Variants in SERPINE2 observed in about 807,000 individuals in gnomAD.
SERPINE2 encodes the protein serpin family E member 2, also known as glia-derived nexin.
A neutral mutation model predicts 36.3 loss-of-function variants in SERPINE2; 14 were observed. The observed-to-expected ratio is 0.39, with a 90% confidence interval of 0.25 to 0.60. The LOEUF is 0.60. Ranked by LOEUF, SERPINE2 falls within the 20% of genes least tolerant of loss-of-function variation. The pLI is 0.57. For synonymous variants in SERPINE2, 192 were observed against 191.8 expected, an observed-to-expected ratio of 1.00 and a Z score of -0.01; for missense variants, 418 against 499.6, an observed-to-expected ratio of 0.84 and a Z score of 1.56.
At chr2:223,983,691 TATGC>T (rs1326673213) in intron 5 of SERPINE2, among the ~76,000 whole-genome samples, 6 of 51,486 alleles carry the variant, frequency 1.2e-4, no homozygotes, top group East Asian at 1.1e-3. Flanking sequence ...TATGGAGATA[TATGC>T]ACACACACAC....
chr2:223,995,424 C>T (rs1312976068), intron 3 of SERPINE2, among the ~76,000 whole-genome samples: 2 of 152,168 alleles, frequency 1.3e-5, no homozygotes, highest in Admixed American at 6.5e-5. Context: ...ATTGAGTGGG[C>T]AGTGGCCAGA....
At chr2:223,999,609 A>G (rs572092016) in intron 2 of SERPINE2, among the ~76,000 whole-genome samples, 2 of 152,324 alleles carry the variant, frequency 1.3e-5, no homozygotes, top group South Asian at 4.1e-4. Context: ...CCATTCTACA[A>G]GTAAGAAAAC....
At chr2:224,038,484 T>A in intron 1 of SERPINE2, 1 of 1,551,298 alleles carries the variant, frequency 6.4e-7, no homozygotes, top group South Asian at 1.2e-5. Context: ...CGTACTTTCA[T>A]TTTACCTGCA....
intron 5 of SERPINE2, among the ~76,000 whole-genome samples, chr2:223,984,096 A>G (rs1332603798): frequency 6.6e-6 from 1 of 152,002 alleles, no homozygotes; most frequent in Non-Finnish European, 1.5e-5. Context: ...GGGTTGTTAA[A>G]AGCTCTGGAT....
chr2:223,988,327 C>A (rs1690519974), intron 4 of SERPINE2, among the ~76,000 whole-genome samples: 1 of 152,094 alleles, frequency 6.6e-6, no homozygotes, highest in African/African-American at 2.4e-5. Flanking sequence ...CACCACCATG[C>A]CTGGCTAATT....
At chr2:224,025,681 C>CTAAGCACCTCCTTACCTTCCAAGTTGG (rs1692159148) in intron 1 of SERPINE2, among the ~76,000 whole-genome samples, 2 of 152,232 alleles carry the variant, frequency 1.3e-5, no homozygotes, top group Non-Finnish European at 2.9e-5. Flanking sequence ...AACCATTCTT[C>CTAAGCACCTCCTTACCTTCCAAGTTGG]TAAGCACAGC....
chr2:224,015,544 A>C (rs1053965877), intron 1 of SERPINE2, among the ~76,000 whole-genome samples: 2 of 152,252 alleles, frequency 1.3e-5, no homozygotes, highest in Non-Finnish European at 2.9e-5. Context: ...ATCACCTTAC[A>C]GCCTTTGCAA....
chr2:223,995,683 C>T lies in SERPINE2; in HGVS notation c.487+2432G>A, dbSNP rs374632890. ...GAATTTGCCAGGAATGTGAGTCCCA[C>T]GCAAATCAAGCAGAGCCTGTGCTTT... is the stretch of plus-strand genomic sequence containing the variant. On this transcript the variant is annotated intron_variant, in intron 3 of 8. Coordinates refer to ENST00000409304, the MANE Select transcript of SERPINE2 (RefSeq NM_001136528.2). Among the ~76,000 whole-genome samples, 7 of 152,302 alleles carry T rather than the reference C, an allele frequency of 4.6e-5. No individual in the cohort carries two copies. In the South Asian group the frequency reaches 6.2e-4, roughly 14 times the overall value.
At chr2:224,024,382 C>T (rs1018045172) in intron 1 of SERPINE2, among the ~76,000 whole-genome samples, 2 of 152,188 alleles carry the variant, frequency 1.3e-5, no homozygotes, top group East Asian at 1.9e-4. Context: ...AACATGGTTC[C>T]GAACCTGGAT....
At chr2:224,014,035 T>C (rs1691716290) in intron 1 of SERPINE2, 1 of 152,276 alleles carries the variant, frequency 6.6e-6, no homozygotes. Flanking sequence ...CAAAAGTAAC[T>C]GGCCTCATTC....
intron 2 of SERPINE2, among the ~76,000 whole-genome samples, chr2:224,001,022 AG>A (rs1691097755): frequency 6.6e-6 from 1 of 152,170 alleles, no homozygotes; most frequent in African/African-American, 2.4e-5. Context: ...ACAATATGCA[AG>A]GAAGTCCCAC....
intron 1 of SERPINE2, among the ~76,000 whole-genome samples, chr2:224,003,742 G>A (rs1344932103): frequency 6.6e-6 from 1 of 152,194 alleles, no homozygotes; most frequent in African/African-American, 2.4e-5. Context: ...AGCAGCATTC[G>A]TGATGTTGCT....
chr2:224,005,086 TATATATATATA>T (rs1691369797), intron 1 of SERPINE2, among the ~76,000 whole-genome samples: 4 of 98,812 alleles, frequency 4.0e-5, no homozygotes, highest in Non-Finnish European at 6.2e-5. Flanking sequence ...TATATATATA[TATATATATATA>T]AAACATTGTA....
chr2:224,019,263 G>GT (rs34907719), intron 1 of SERPINE2, among the ~76,000 whole-genome samples: 1 of 152,022 alleles, frequency 6.6e-6, no homozygotes, highest in East Asian at 1.9e-4. Flanking sequence ...AAAATATATT[G>GT]TTTTTTATAT....
intron 1 of SERPINE2, chr2:224,030,825 G>T: frequency 3.1e-6 from 1 of 326,896 alleles, no homozygotes; most frequent in Non-Finnish European, 4.4e-6. Context: ...ATCCAGCTCA[G>T]CTTAAGTTAT....
At position 224,033,637 on chromosome 2, in the gene SERPINE2, G is replaced by A. The variant is rs547817716; in HGVS notation, c.-23+5462C>T. Among the ~76,000 whole-genome samples the A allele has an allele frequency of 1.1e-3, 159 of 141,882 alleles. 1 individual carries two copies. Among genetic ancestry groups the A allele is most frequent in the Non-Finnish European group, 2.0e-3 (133 of 66,192 alleles). 93.1% of individuals were successfully genotyped at this position (141,882 alleles called of 152,430 possible). ...GCTCTTTCCACCAAATGTGACTGAC[G>A]ATACCAGCCAAAAAAGTTCCATGGC... On this transcript the variant is annotated intron_variant, in intron 1 of 8. Transcript: ENST00000409304.
chr2:223,992,462 C>A (rs1414075766), intron 3 of SERPINE2, among the ~76,000 whole-genome samples: 1 of 146,340 alleles, frequency 6.8e-6, no homozygotes, highest in Non-Finnish European at 1.5e-5. Context: ...CAATCCCAGT[C>A]AAAAATAAAC....
chr2:224,036,831 A>T (rs945957449), intron 1 of SERPINE2, among the ~76,000 whole-genome samples: 1 of 151,878 alleles, frequency 6.6e-6, no homozygotes, highest in African/African-American at 2.4e-5. Context: ...TTAAAATACT[A>T]CTAAAAAAGA....
rs1261135830 is a variant in SERPINE2, at chr2:223,984,790, G to C, written c.846C>G (p.Ser282Arg). 1 of 1,613,512 alleles carries C rather than the reference G, an allele frequency of 6.2e-7. No individual in the cohort carries two copies. The highest frequency in any genetic ancestry group is 1.1e-5 in the South Asian group (1 of 91,040). Residue 282 changes from serine to arginine, a missense_variant, in exon 5 of 9, where the codon AGC (serine) becomes AGG (arginine). Physicochemically the swap from Ser to Arg is moderately radical, Grantham distance 110. Coordinates refer to ENST00000409304, the MANE Select transcript of SERPINE2 (RefSeq NM_001136528.2). ...ISTKTIDSWM[S>R]IMVPKRVQVI... ...CCTGCACCCTCTTGGGCACCATGAT[G>C]CTCATCCAGCTGTCTATGGTCTTGG...
Sources: gnomAD v4.1 joint callset for allele counts (sites outside exome capture counted in the v4.1 genomes callset) on GRCh38, gnomAD v4.1.1 for gene constraint, MANE v1.5 for transcripts, NCBI Gene and HGNC (gene_info 2026-07-23, HGNC 2026-07-21) for gene names.